The following MYH4 variants were observed in gnomAD, a reference collection of about 807,000 sequenced individuals.
MYH4 encodes myosin-4.
A neutral mutation model predicts 229.9 loss-of-function variants in MYH4; 200 were observed. That is an observed-to-expected ratio of 0.87 (90% CI 0.78 to 0.98). MYH4 has a LOEUF of 0.98. MYH4 is among the 50% of genes least tolerant of loss of function. The pLI, the probability that MYH4 is intolerant of heterozygous loss-of-function variation, is 0.00. For synonymous variants in MYH4, 761 were observed against 834.6 expected (o/e 0.91, Z 1.52); for missense variants, 2,148 against 2,332.6 (o/e 0.92, Z 1.63).
rs2072695368 is a variant in MYH4 at position 10,460,955 on chromosome 17, T to C, written c.1108A>G (p.Lys370Glu). 1.2e-6 allele frequency: 2 copies of C among 1,614,000 alleles called. No homozygotes were observed. Among genetic ancestry groups the C allele is most frequent in the Non-Finnish European group, 1.7e-6 (2 of 1,179,970 alleles). ...MHYGNMKFKQ[K>E]QREEQAEPDG... Reference sequence around the variant, plus strand: ...GGCTCTGCCTGCTCTTCCCTTTGCTTTTGCTTGAATTTCATGTTCCCATAA... The same window carrying C: ...GGCTCTGCCTGCTCTTCCCTTTGCTCTTGCTTGAATTTCATGTTCCCATAA... Residue 370 changes from lysine (K) to glutamate (E), a missense_variant, in exon 12 of 40, where the codon AAG (lysine) becomes GAG (glutamate). By Grantham distance (56) the Lys-to-Glu change is moderately conservative (BLOSUM62 1). Transcript: ENST00000255381.
Position 10,457,289 on chromosome 17 carries a change from C to T in MYH4, c.1897+131G>A, listed in dbSNP as rs538927325. On this transcript the variant is annotated intron_variant, in intron 16 of 39. Transcript: ENST00000255381. ...AAGACTGTATCACAGTTATTAAATA[C>T]ACTTTCTTTCATTAGGCATGTATTG... 25 of 1,012,798 alleles carry T rather than the reference C, an allele frequency of 2.5e-5. No individual in the cohort carries two copies. In the African/African-American group the frequency reaches 3.6e-4, roughly 14 times the overall value. 62.7% of individuals were successfully genotyped at this position (1,012,798 alleles called of 1,614,324 possible).
chr17:10,466,577 C>A lies in MYH4; in HGVS notation c.169G>T (p.Gly57Trp), dbSNP rs780288488. The change falls in exon 3 of 40, where the codon GGG becomes TGG. Residue 57 changes from glycine (G) to tryptophan (W), a missense_variant. Coordinates refer to ENST00000255381, the MANE Select transcript of MYH4 (RefSeq NM_017533.2). ...TCGGTCTTGGCTGTCACCTTCCCCC[C>A]TTCCCTGCTCTGCACTATTGCTTTC... ...YVKAIVQSRE[G>W]GKVTAKTEAG... 2 of 1,613,948 alleles carry A rather than the reference C, an allele frequency of 1.2e-6. No homozygotes were observed. Among genetic ancestry groups the A allele is most frequent in the Admixed American group, 3.3e-5 (2 of 60,034 alleles).
At chr17:10,453,411 A>G in intron 23 of MYH4, 83 bp from the exon 24 acceptor site, 1 of 1,601,792 alleles carries the variant, frequency 6.2e-7, no homozygotes, top group Non-Finnish European at 8.5e-7. Flanking sequence ...ATCTTAGGAT[A>G]ATGTCAGCGT....
intron 11 of MYH4, among the ~76,000 whole-genome samples, chr17:10,461,476 A>G (rs2072701427): frequency 1.3e-5 from 2 of 151,138 alleles, no homozygotes. Flanking sequence ...TTCTTCTCCT[A>G]TTTGTCCTAT....
At position 10,453,805 on chromosome 17, in the gene MYH4, T is replaced by C. The variant is rs753574777; in HGVS notation, c.2772A>G (p.Lys924=). The C allele has an allele frequency of 6.2e-6, 10 of 1,614,150 alleles. No homozygotes were observed. The highest frequency in any genetic ancestry group is 4.2e-6 in the Non-Finnish European group (5 of 1,180,014). Residue 924 remains lysine, a synonymous_variant, in exon 23 of 40, where the codon AAA becomes AAG. Transcript: ENST00000255381. ...KTKIQLEAKI[K]EVTERAEDEE... ...CATCCTCAGCTCTTTCAGTTACCTCTTTGATTTTGGCCTCAAGTTGGATTT... is the reference window on the plus strand; with the variant it reads ...CATCCTCAGCTCTTTCAGTTACCTCCTTGATTTTGGCCTCAAGTTGGATTT...
chr17:10,443,907 C>G lies in MYH4; in HGVS notation c.5668-380G>C, dbSNP rs574135881. Among the ~76,000 whole-genome samples, 1 of 150,412 alleles carries G rather than the reference C, an allele frequency of 6.6e-6. No individual in the cohort carries two copies. The highest frequency in any genetic ancestry group is 2.1e-4 in the South Asian group (1 of 4,760). ...CAGCCTGGGCAACAAGAGCAAAACTCTGCCTCGAAAAAAAAAAAAAGAAGA... is the reference window on the plus strand; with the variant it reads ...CAGCCTGGGCAACAAGAGCAAAACTGTGCCTCGAAAAAAAAAAAAAGAAGA... On this transcript the variant is annotated intron_variant, in intron 39 of 39. Transcript: ENST00000255381. This position sits in a 1 kb window ranked among gnomAD's most constrained non-coding sequence, Gnocchi z 4.6.
intron 39 of MYH4, 90 bp downstream of exon 39, chr17:10,444,514 A>C: frequency 2.1e-6 from 2 of 944,430 alleles, no homozygotes; most frequent in Non-Finnish European, 3.3e-6. Context: ...TTCCCAATTT[A>C]AAGAAAACCC....
rs748953866 is a variant in MYH4, at chr17:10,454,715, A to G, written c.2531T>C (p.Leu844Pro). Reference protein sequence around the residue: ...MKLYFKIKPLLKSAETEKEMA... With the variant: ...MKLYFKIKPLPKSAETEKEMA... ...CTCCTTCTCTGTCTCTGCACTCTTG[A>G]GGAGGGGCTTGATCTTGAAATACAG... Residue 844 changes from leucine (L) to proline (P), a missense_variant, in exon 22 of 40, where the codon CTC becomes CCC. Physicochemically the swap from Leu to Pro is moderately conservative, Grantham distance 98. Coordinates refer to ENST00000255381, the MANE Select transcript of MYH4 (RefSeq NM_017533.2). 1.2e-6 allele frequency: 2 copies of G among 1,613,960 alleles called. No individual in the cohort carries two copies. Among genetic ancestry groups the G allele is most frequent in the Non-Finnish European group, 1.7e-6 (2 of 1,180,036 alleles).
At chr17:10,454,058 A>G (rs906540840) in intron 22 of MYH4, among the ~76,000 whole-genome samples, 173 bp from the exon 23 acceptor site, 1 of 152,276 alleles carries the variant, frequency 6.6e-6, no homozygotes, top group Non-Finnish European at 1.5e-5. Flanking sequence ...CTGATCAAGT[A>G]TAATAACAAA....
chr17:10,454,605 T>A lies in MYH4; in HGVS notation c.2641A>T (p.Met881Leu). The change falls in exon 22 of 40, where the codon ATG (methionine) becomes TTG (leucine). Residue 881 changes from methionine (M) to leucine (L), a missense_variant. By Grantham distance (15) the Met-to-Leu change is conservative (BLOSUM62 2). Coordinates refer to ENST00000255381, the MANE Select transcript of MYH4 (RefSeq NM_017533.2). Reference sequence around the variant, plus strand: ...TTTTTCTCTTGCATTAGCGTCACCATCTTTTCTTCTAGTTCTTTCCTTTTT... The same window carrying A: ...TTTTTCTCTTGCATTAGCGTCACCAACTTTTCTTCTAGTTCTTTCCTTTTT... ...EAKRKELEEK[M>L]VTLMQEKNDL... 6.2e-7 allele frequency: 1 copy of A among 1,614,168 alleles called. No individual in the cohort carries two copies. Among genetic ancestry groups the A allele is most frequent in the Non-Finnish European group, 8.5e-7 (1 of 1,180,042 alleles).
intron 35 of MYH4, among the ~76,000 whole-genome samples, chr17:10,446,079 G>T (rs1202190173): frequency 3.4e-5 from 5 of 146,272 alleles, no homozygotes; most frequent in African/African-American, 7.5e-5. Flanking sequence ...ATAAAAATGA[G>T]CCAAGAATCC....
At position 10,443,925 on chromosome 17, in the gene MYH4, A is replaced by G. The variant is rs1386834718; in HGVS notation, c.5668-398T>C. ...CAAAACTCTGCCTCGAAAAAAAAAA[A>G]AAGAAGAGAAAAAGGCTTTATTATT... On this transcript the variant is annotated intron_variant, in intron 39 of 39. Coordinates refer to ENST00000255381, the MANE Select transcript of MYH4 (RefSeq NM_017533.2). This position sits in a 1 kb window ranked among gnomAD's most constrained non-coding sequence, Gnocchi z 4.6. Among the ~76,000 whole-genome samples the G allele has an allele frequency of 6.6e-6, 1 of 152,114 alleles. No individual in the cohort carries two copies. The highest frequency in any genetic ancestry group is 1.5e-5 in the Non-Finnish European group (1 of 68,014).
rs762768039 is a variant in MYH4, at chr17:10,448,975, A to G, written c.4254T>C (p.Leu1418=). 5 of 1,613,996 alleles carry G rather than the reference A, an allele frequency of 3.1e-6. No individual in the cohort carries two copies. Among genetic ancestry groups the G allele is most frequent in the Admixed American group, 3.3e-5 (2 of 59,994 alleles). Residue 1418 remains leucine (L), a synonymous_variant, in exon 31 of 40, where the codon CTT becomes CTC. Coordinates refer to ENST00000255381, the MANE Select transcript of MYH4 (RefSeq NM_017533.2). ...TCTGTAGCCTCTGCTTTGTCTTTTC[A>G]AGAGAAGCACATTTGGAATTCACAG... ...VEAVNSKCAS[L]EKTKQRLQNE...
chr17:10,443,657 A>C lies in MYH4; in HGVS notation c.5668-130T>G. On this transcript the variant is annotated intron_variant, in intron 39 of 39. Coordinates refer to ENST00000255381, the MANE Select transcript of MYH4 (RefSeq NM_017533.2). The surrounding 1 kb of genome is among the most constrained non-coding windows in gnomAD (Gnocchi z 4.6). ...CTCCGTTGTCCAGGCATGGTGGCTC[A>C]CACCTGTAATCCCAGCACTCTGGGA... 1.9e-5 allele frequency: 18 copies of C among 964,672 alleles called. No homozygotes were observed. The highest frequency in any genetic ancestry group is 2.4e-5 in the Non-Finnish European group (16 of 662,716). 59.8% of individuals were successfully genotyped at this position (964,672 alleles called of 1,614,324 possible).
chr17:10,467,175 C>T (rs2072776963), intron 2 of MYH4, among the ~76,000 whole-genome samples: 1 of 152,134 alleles, frequency 6.6e-6, no homozygotes. Context: ...AAGAAATGGA[C>T]AATAACTGTT....
In MYH4 at chr17:10,466,676, G is replaced by A. The variant is rs774558015; in HGVS notation, c.70C>T (p.Arg24Ter). ...AAAGGCTTGTTCTGAGCTTCAATTC[G>A]CTCCTTTTCAGACTTTCGGAGGAAA... ...APFLRKSEKE[R>*]IEAQNKPFDA... The change falls in exon 3 of 40, where the codon CGA (arginine) becomes TGA (stop). Residue 24 changes from arginine (R) to a stop codon, truncating the protein, a stop_gained. Coordinates refer to ENST00000255381, the MANE Select transcript of MYH4 (RefSeq NM_017533.2). LOFTEE classifies it high-confidence loss of function. 10 of 1,613,948 alleles carry A rather than the reference G, an allele frequency of 6.2e-6. No individual in the cohort carries two copies. Among genetic ancestry groups the A allele is most frequent in the East Asian group, 2.2e-5 (1 of 44,894 alleles).
rs1477876093 is a variant in MYH4 at position 10,452,668 on chromosome 17, A to T, written c.3257+119T>A. On this transcript the variant is annotated intron_variant, in intron 25 of 39. Transcript: ENST00000255381. ...TTAGTTTAATTAAATAAAAAGGTCAAAGATGTCATTATTTTTTTCCATATG... is the reference window on the plus strand; with the variant it reads ...TTAGTTTAATTAAATAAAAAGGTCATAGATGTCATTATTTTTTTCCATATG... 4 of 1,328,262 alleles carry T rather than the reference A, an allele frequency of 3.0e-6. No homozygotes were observed. The Admixed American group carries it at 6.8e-5, about 23-fold the overall frequency. 82.3% of individuals were successfully genotyped at this position (1,328,262 alleles called of 1,614,324 possible). A position where few individuals can be genotyped will look rare whatever the true frequency, so the allele number is the denominator to read the frequency against.
rs773034046 is a variant in MYH4 at position 10,453,311 on chromosome 17, T to C, written c.2952A>G (p.Glu984=). The C allele has an allele frequency of 3.7e-6, 6 of 1,613,986 alleles. No individual in the cohort carries two copies. The South Asian group carries it at 6.6e-5, about 18-fold the overall frequency. The part of the protein sequence containing the change: ...ATENKVKNLT[E]EMAGLDETIA... ...TGGTTTCATCCAGACCTGCCATCTC[T>C]TCTGTGAGGTTTTTCACCTTTAGAT... The change falls in exon 24 of 40, where the codon GAA becomes GAG. Residue 984 remains glutamate (E), a synonymous_variant. Transcript: ENST00000255381.
rs1362801931 is a variant in MYH4, at chr17:10,453,206, G to T, written c.3057C>A (p.Asp1019Glu). 2 of 1,613,874 alleles carry T rather than the reference G, an allele frequency of 1.2e-6. No individual in the cohort carries two copies. Among genetic ancestry groups the T allele is most frequent in the Non-Finnish European group, 1.7e-6 (2 of 1,180,022 alleles). The change falls in exon 24 of 40, where the codon GAC becomes GAA. Residue 1019 changes from aspartate to glutamate, a missense_variant. Physicochemically the swap from Asp to Glu is conservative, Grantham distance 45. Coordinates refer to ENST00000255381, the MANE Select transcript of MYH4 (RefSeq NM_017533.2). Reference protein sequence around the residue: ...QTLDDLQMEEDKVNTLTKAKT... With the variant: ...QTLDDLQMEEEKVNTLTKAKT... ...TAGCTTTGGTCAGGGTGTTGACTTTGTCCTCCTCCATCTGCAGGTCATCCA... is the reference window on the plus strand; with the variant it reads ...TAGCTTTGGTCAGGGTGTTGACTTTTTCCTCCTCCATCTGCAGGTCATCCA...
Sources: gnomAD v4.1 joint callset for allele counts (sites outside exome capture counted in the v4.1 genomes callset) on GRCh38, gnomAD v4.1.1 for gene constraint, Gnocchi (gnomAD v3.1) non-coding constraint, MANE v1.5 for transcripts, NCBI Gene and HGNC (gene_info 2026-07-23, HGNC 2026-07-21) for gene names.